Variants in DST observed in about 807,000 individuals in gnomAD.
DST encodes dystonin.
A neutral mutation model predicts 875.2 loss-of-function variants in DST; 253 were observed. The observed-to-expected ratio is 0.29, with a 90% CI of 0.26 to 0.32. The LOEUF (loss-of-function observed/expected upper bound fraction) is 0.32. Among genes scored for constraint, DST ranks in the 10% least tolerant of loss-of-function variants. The probability of loss-of-function intolerance (pLI) is 1.00; values close to 1 mark genes in which losing one functional copy is unlikely to be tolerated. For missense variants in DST, 8,287 were observed against 9,111.6 expected, an observed-to-expected ratio of 0.91 and a Z score of 3.68; for synonymous variants, 3,124 against 3,197.1, an observed-to-expected ratio of 0.98 and a Z score of 0.77.
At chr6:56,862,684 G>A (rs1245522191) in intron 3 of DST, among the ~76,000 whole-genome samples, 1 of 152,130 alleles carries the variant, frequency 6.6e-6, no homozygotes, top group East Asian at 1.9e-4. Flanking sequence ...AGCAGTTACT[G>A]TAATGGTCCA....
chr6:56,786,459 A>G (rs1191834221), intron 4 of DST, among the ~76,000 whole-genome samples: 1 of 152,232 alleles, frequency 6.6e-6, no homozygotes, highest in Non-Finnish European at 1.5e-5. Context: ...TTTATCACCA[A>G]GCTCCATAGT....
intron 102 of DST, among the ~76,000 whole-genome samples, 169 bp downstream of exon 102, chr6:56,462,877 C>T (rs1458164329): frequency 6.6e-6 from 1 of 152,174 alleles, no homozygotes; most frequent in African/African-American, 2.4e-5. Flanking sequence ...TAACCCCTTA[C>T]TCTCACATCT....
intron 9 of DST, among the ~76,000 whole-genome samples, chr6:56,690,641 G>A (rs140434779): frequency 3.9e-4 from 60 of 152,252 alleles, no homozygotes; most frequent in African/African-American, 1.3e-3. Flanking sequence ...GATCACATAG[G>A]GAAGCTATGA....
chr6:56,465,404 T>C (rs1340582279), intron 99 of DST, among the ~76,000 whole-genome samples: 1 of 152,182 alleles, frequency 6.6e-6, no homozygotes, highest in East Asian at 1.9e-4. Flanking sequence ...TACTGAGTAA[T>C]TGGTACCTAA....
chr6:56,828,876 A>G (rs76956861), intron 4 of DST, among the ~76,000 whole-genome samples: 1,783 of 152,226 alleles, frequency 0.012, 42 homozygotes, highest in African/African-American at 0.041. Flanking sequence ...AGTTCTGTTA[A>G]TGGGGAGGAG....
intron 45 of DST, 118 bp downstream of exon 45, chr6:56,599,951 T>C: frequency 2.2e-6 from 2 of 913,466 alleles, no homozygotes; most frequent in Non-Finnish European, 3.2e-6. Flanking sequence ...GTCTTGGGTA[T>C]GCCTTGCTTC....
intron 2 of DST, among the ~76,000 whole-genome samples, chr6:56,912,455 G>A (rs759965334): frequency 6.6e-6 from 1 of 152,114 alleles, no homozygotes; most frequent in Non-Finnish European, 1.5e-5. Context: ...TAAAACATTT[G>A]TGTTCTCACA....
chr6:56,649,899 G>A (rs1245632096), intron 12 of DST, among the ~76,000 whole-genome samples: 4 of 152,010 alleles, frequency 2.6e-5, no homozygotes, highest in African/African-American at 7.2e-5. Context: ...GAAAGCTATC[G>A]GCCTAGTTCT....
intron 2 of DST, among the ~76,000 whole-genome samples, chr6:56,927,258 A>C (rs778811098): frequency 3.9e-5 from 6 of 152,190 alleles, no homozygotes; most frequent in African/African-American, 7.2e-5. Flanking sequence ...ACTAGTACCC[A>C]ACCCAGAGTC....
chr6:56,462,870 C>T (rs1366152342), intron 102 of DST, among the ~76,000 whole-genome samples, 176 bp downstream of exon 102: 1 of 152,112 alleles, frequency 6.6e-6, no homozygotes, highest in African/African-American at 2.4e-5. Flanking sequence ...TTTCTGTTAA[C>T]CCCTTACTCT....
chr6:56,519,506 A>AC (rs762025220), intron 69 of DST, among the ~76,000 whole-genome samples: 48 of 152,104 alleles, frequency 3.2e-4, no homozygotes, highest in Non-Finnish European at 7.4e-5. Context: ...CTGGGCTTCC[A>AC]CCCCCACTAA....
At chr6:56,629,583 ATAT>A (rs1318423594) in intron 31 of DST, 140 bp from the exon 32 acceptor site, 6 of 678,488 alleles carry the variant, frequency 8.8e-6, no homozygotes, top group African/African-American at 1.8e-5. Context: ...CATATGCACA[ATAT>A]TATATTAGTT....
At chr6:56,644,030 C>A (rs928969554) in intron 15 of DST, among the ~76,000 whole-genome samples, 2 of 152,164 alleles carry the variant, frequency 1.3e-5, no homozygotes, top group African/African-American at 4.8e-5. Context: ...TAACATCATA[C>A]AACTTTGCAG....
At chr6:56,766,116 T>A (rs1235176935) in intron 4 of DST, among the ~76,000 whole-genome samples, 4 of 152,234 alleles carry the variant, frequency 2.6e-5, no homozygotes, top group Admixed American at 2.6e-4. Flanking sequence ...AAAGATTGAT[T>A]AATTGAAGCA....
intron 59 of DST, 85 bp from the exon 60 acceptor site, chr6:56,555,925 G>A (rs1403972335): frequency 7.8e-7 from 1 of 1,289,600 alleles, no homozygotes; most frequent in Non-Finnish European, 1.0e-6. Flanking sequence ...AGACAGAAAT[G>A]GTAATTATTT....
intron 5 of DST, among the ~76,000 whole-genome samples, chr6:56,719,866 T>A (rs1324892746): frequency 6.6e-6 from 1 of 152,106 alleles, no homozygotes; most frequent in African/African-American, 2.4e-5. Context: ...AGGGTGTGGG[T>A]CCCAAAGATC....
intron 80 of DST, 29 bp from the exon 81 acceptor site, chr6:56,498,082 G>A (rs1445176613): frequency 2.5e-6 from 4 of 1,583,142 alleles, no homozygotes; most frequent in Non-Finnish European, 3.5e-6. Flanking sequence ...CACCATGTTT[G>A]CTAGTTTGTA....
intron 4 of DST, among the ~76,000 whole-genome samples, chr6:56,830,761 C>T (rs530495443): frequency 1.3e-5 from 2 of 152,334 alleles, no homozygotes; most frequent in East Asian, 3.9e-4. Context: ...GTAAGCCATA[C>T]TTCTTCCTAA....
At chr6:56,616,597 T>C (rs766801893) in intron 36 of DST, 2 of 1,614,136 alleles carry the variant, frequency 1.2e-6, no homozygotes, top group Non-Finnish European at 1.7e-6. Flanking sequence ...TAGGGAAAAC[T>C]CTTGTGTTGC....
Sources: gnomAD v4.1 joint callset for allele counts (sites outside exome capture counted in the v4.1 genomes callset) on GRCh38, gnomAD v4.1.1 for gene constraint, MANE v1.5 for transcripts, NCBI Gene and HGNC (gene_info 2026-07-23, HGNC 2026-07-21) for gene names.